BRWD3: variants seen among roughly 807,000 people sequenced by gnomAD.
BRWD3 encodes the protein bromodomain and WD repeat-containing protein 3.
BRWD3 carries 10 observed loss-of-function variants against 149.7 expected under a neutral mutation model. That is an observed-to-expected ratio of 0.07 (90% CI 0.04 to 0.11). The LOEUF (loss-of-function observed/expected upper bound fraction) is 0.11, where lower values mean the gene tolerates loss of function less well. Among genes scored for constraint, BRWD3 ranks in the 10% least tolerant of loss-of-function variants. The pLI, the probability that BRWD3 is intolerant of heterozygous loss-of-function variation, is 1.00. For missense variants in BRWD3, 940 were observed against 1,373.2 expected, an observed-to-expected ratio of 0.68 and a Z score of 4.99; for synonymous variants, 504 against 456.7, an observed-to-expected ratio of 1.10 and a Z score of -1.32.
At chrX:80,721,298 G>C (rs1660246869) in intron 17 of BRWD3, among the ~76,000 whole-genome samples, 1 of 111,584 alleles carries the variant, frequency 9.0e-6, no homozygotes, top group Non-Finnish European at 1.9e-5. Flanking sequence ...TGATAAATTA[G>C]ACTTTCTTAT....
At chrX:80,761,530 CTT>C (rs1202967929) in intron 6 of BRWD3, among the ~76,000 whole-genome samples, 1 of 111,262 alleles carries the variant, frequency 9.0e-6, no homozygotes, top group African/African-American at 3.3e-5. Context: ...TTATACTAAA[CTT>C]AAGGTTTAAT....
rs1231524127 is a variant in BRWD3, at chrX:80,682,570, A to G, written c.4292T>C (p.Ile1431Thr). ...ALFESHIKNI[I>T]SEYKSAIQSQ... ...CTGGATTGCTGACTTATATTCAGAG[A>G]TGATATTTTTGATATGACTTTCAAA... The change falls in exon 38 of 41, where the codon ATC becomes ACC. Residue 1431 changes from isoleucine (I) to threonine (T), a missense_variant. Transcript: ENST00000373275. The G allele has an allele frequency of 8.3e-7, 1 of 1,209,311 alleles. No homozygotes were observed. Among genetic ancestry groups the G allele is most frequent in the South Asian group, 1.8e-5 (1 of 56,979 alleles).
chrX:80,713,480 T>G (rs1436639486), intron 20 of BRWD3, among the ~76,000 whole-genome samples: 1 of 110,405 alleles, frequency 9.1e-6, no homozygotes, highest in African/African-American at 3.3e-5. Flanking sequence ...GTTAAACAGA[T>G]GCTTGAAGGC....
Position 80,682,086 on chromosome X carries a change from C to T in BRWD3, c.4406G>A (p.Gly1469Glu). ...CTGCAACTTCATTTGTTTCTGCTTC[C>T]CTTTTGGACTAGAAGTAAAAATATG... is the stretch of plus-strand genomic sequence containing the variant. ...LSSSGAPSPK[G>E]KQKQMKLQPK... The change falls in exon 39 of 41, where the codon GGG becomes GAG. Residue 1469 changes from glycine (G) to glutamate (E), a missense_variant. Gly to Glu is a moderately conservative substitution (Grantham distance 98, BLOSUM62 -2). Transcript: ENST00000373275. 3.3e-6 allele frequency: 4 copies of T among 1,203,032 alleles called. No homozygotes were observed. The African/African-American group carries it at 7.0e-5, about 21-fold the overall frequency.
At chrX:80,678,473 A>T (rs778347082) in intron 40 of BRWD3, among the ~76,000 whole-genome samples, 31 of 111,088 alleles carry the variant, frequency 2.8e-4, no homozygotes, top group African/African-American at 5.5e-4. Flanking sequence ...ACATTTTTTT[A>T]AAAAAAAGAA....
At chrX:80,729,090 A>G (rs1370609952) in intron 13 of BRWD3, among the ~76,000 whole-genome samples, 185 bp from the exon 14 acceptor site, 12 of 111,771 alleles carry the variant, frequency 1.1e-4, no homozygotes, top group Admixed American at 8.6e-4. Context: ...AATACCCATT[A>G]GCTTATTTCA....
chrX:80,735,928 A>G, intron 9 of BRWD3, 60 bp downstream of exon 9: 7 of 750,255 alleles, frequency 9.3e-6, no homozygotes, highest in Non-Finnish European at 8.1e-6. Context: ...GACTATTAAG[A>G]ATCAAGGCAA....
chrX:80,785,535 C>T (rs1165552112), intron 6 of BRWD3, among the ~76,000 whole-genome samples: 1 of 111,663 alleles, frequency 9.0e-6, no homozygotes, highest in East Asian at 2.8e-4. Flanking sequence ...TTTTGATTAA[C>T]TATACGAACG....
At chrX:80,686,406 G>C (rs1019938129) in intron 35 of BRWD3, among the ~76,000 whole-genome samples, 1 of 106,238 alleles carries the variant, frequency 9.4e-6, no homozygotes, top group African/African-American at 3.4e-5. Context: ...ATGTACCCTA[G>C]AACTTAAAGT....
intron 8 of BRWD3, among the ~76,000 whole-genome samples, chrX:80,741,378 G>A (rs148947693): frequency 0.02 from 2,197 of 111,717 alleles, 29 homozygotes; most frequent in South Asian, 0.12. Context: ...ATCTGTGTGC[G>A]TGTGTCTTTA....
At chrX:80,692,762 C>T (rs928852718) in intron 28 of BRWD3, among the ~76,000 whole-genome samples, 178 bp downstream of exon 28, 3 of 111,668 alleles carry the variant, frequency 2.7e-5, no homozygotes, top group Non-Finnish European at 1.9e-5. Flanking sequence ...AAGAACTTTG[C>T]TTTGACTAAA....
intron 40 of BRWD3, among the ~76,000 whole-genome samples, chrX:80,680,717 A>C (rs982438309): frequency 2.7e-5 from 3 of 111,706 alleles, no homozygotes; most frequent in African/African-American, 9.8e-5. Context: ...CTCCTTTCTT[A>C]TTAATATGAA....
chrX:80,684,197 G>C, intron 36 of BRWD3, 35 bp from the exon 37 acceptor site: 1 of 1,128,091 alleles, frequency 8.9e-7, no homozygotes, highest in Non-Finnish European at 1.2e-6. Flanking sequence ...ATACTGTATA[G>C]CAATATTAAG....
At chrX:80,804,075 T>TA (rs764079513) in intron 4 of BRWD3, among the ~76,000 whole-genome samples, 1 of 112,383 alleles carries the variant, frequency 8.9e-6, no homozygotes, top group African/African-American at 3.2e-5. Context: ...AAGTTTTTCA[T>TA]AAAAAACATA....
At chrX:80,703,686 G>A (rs2072822731) in intron 23 of BRWD3, 93 bp from the exon 24 acceptor site, 7 of 622,792 alleles carry the variant, frequency 1.1e-5, no homozygotes, top group Non-Finnish European at 1.7e-5. Context: ...AGTAGGTAGA[G>A]AAGATTAAAA....
rs781359385 is a variant in BRWD3 at position 80,688,588 on chromosome X, T to C, written c.3808-463A>G. On this transcript the variant is annotated intron_variant, in intron 33 of 40. Transcript: ENST00000373275. ...TTAAGTATCTCTCTAAGGGATAATT[T>C]TTTAATATGAAGAGTCAAGACCCAA... Among the ~76,000 whole-genome samples, 5 of 111,278 alleles carry C rather than the reference T, an allele frequency of 4.5e-5. No homozygotes were observed. The South Asian group carries it at 1.9e-3, about 41-fold the overall frequency.
chrX:80,745,495 A>G (rs2073579885), intron 7 of BRWD3, 74 bp downstream of exon 7: 23 of 996,136 alleles, frequency 2.3e-5, no homozygotes, highest in South Asian at 1.2e-4. Flanking sequence ...ACAAAGCACA[A>G]TGCAATGCCA....
In BRWD3 at chrX:80,671,423, C is replaced by T. The variant is rs1030700928; in HGVS notation, c.*5186G>A. On this transcript the variant is annotated 3_prime_UTR_variant, in exon 41 of 41. Coordinates refer to ENST00000373275, the MANE Select transcript of BRWD3 (RefSeq NM_153252.5). ...AATAAAATATTCTATGACAAAGAAA[C>T]AAGAAAGACCTAAGAGTTACATGTT... 8.9e-6 allele frequency: 1 copy of T among 111,953 alleles called. No individual in the cohort carries two copies. Among genetic ancestry groups the T allele is most frequent in the Non-Finnish European group, 1.9e-5 (1 of 53,146 alleles). The allele number at this position is 111,953 out of a possible 1,213,427, so 9.2% of individuals were successfully genotyped here.
chrX:80,721,992 G>A (rs2073157693), intron 17 of BRWD3, among the ~76,000 whole-genome samples: 2 of 111,314 alleles, frequency 1.8e-5, no homozygotes, highest in African/African-American at 3.3e-5. Context: ...GATTACAGCC[G>A]TGCACCAACA....
Sources: allele counts gnomAD v4.1 joint callset (sites outside exome capture counted in the v4.1 genomes callset), GRCh38; gene constraint gnomAD v4.1.1; transcripts MANE v1.5; gene names NCBI Gene and HGNC (gene_info 2026-07-23, HGNC 2026-07-21).